The following CSMD1 variants were observed in gnomAD, a reference collection of about 807,000 sequenced individuals.
CSMD1 encodes the protein CUB and sushi domain-containing protein 1.
Under a neutral mutation model 417.5 loss-of-function variants are expected in CSMD1, and 213 were observed. That is an observed-to-expected ratio of 0.51 (90% confidence interval 0.46 to 0.57). CSMD1 has a LOEUF of 0.57. Among genes scored for constraint, CSMD1 ranks in the 20% least tolerant of loss-of-function variants. The probability of loss-of-function intolerance (pLI) is 0.00; values close to 1 mark genes in which losing one functional copy is unlikely to be tolerated. For missense variants in CSMD1, 6,923 were observed against 4,529.7 expected (o/e 1.53, Z -15.17); for synonymous variants, 2,862 against 1,736.8 (o/e 1.65, Z -16.11).
At chr8:3,023,538 G>A (rs1353507632) in intron 51 of CSMD1, among the ~76,000 whole-genome samples, 1 of 152,092 alleles carries the variant, frequency 6.6e-6, no homozygotes, top group African/African-American at 2.4e-5. Flanking sequence ...GGACTGCAGA[G>A]CTCACTGTTT....
At chr8:4,638,188 C>T (rs866955675) in intron 1 of CSMD1, among the ~76,000 whole-genome samples, 1 of 152,118 alleles carries the variant, frequency 6.6e-6, no homozygotes, top group African/African-American at 2.4e-5. Flanking sequence ...AAATTTGGTG[C>T]TATCTACATA....
At chr8:4,550,776 A>G (rs1392236585) in intron 2 of CSMD1, among the ~76,000 whole-genome samples, 6 of 152,192 alleles carry the variant, frequency 3.9e-5, no homozygotes, top group Non-Finnish European at 8.8e-5. Flanking sequence ...GAGGCAGTTT[A>G]ATCATCTTTA....
intron 2 of CSMD1, among the ~76,000 whole-genome samples, chr8:4,460,233 T>C (rs1192001945): frequency 6.6e-6 from 1 of 152,052 alleles, no homozygotes; most frequent in Non-Finnish European, 1.5e-5. Context: ...AAAAAATTTC[T>C]AAAAACCCAA....
chr8:3,309,576 C>G (rs574642057), intron 23 of CSMD1, among the ~76,000 whole-genome samples: 61 of 142,516 alleles, frequency 4.3e-4, no homozygotes, highest in African/African-American at 1.4e-3. Context: ...GACAGTCTTA[C>G]AGTAACATAT....
chr8:4,528,370 C>G (rs1796626557), intron 2 of CSMD1, among the ~76,000 whole-genome samples: 1 of 152,044 alleles, frequency 6.6e-6, no homozygotes, highest in Admixed American at 6.6e-5. Flanking sequence ...AAAGACATTC[C>G]AAGACTCTCA....
chr8:3,448,326 AGC>A (rs1815441174), intron 12 of CSMD1, among the ~76,000 whole-genome samples: 1 of 9,576 alleles, frequency 1.0e-4, no homozygotes. Flanking sequence ...GAAGGAAGGG[AGC>A]AAGGGAGGGA....
intron 23 of CSMD1, among the ~76,000 whole-genome samples, chr8:3,316,882 A>G (rs751513554): frequency 6.6e-6 from 1 of 152,184 alleles, no homozygotes; most frequent in Non-Finnish European, 1.5e-5. Context: ...AATGTGCAAT[A>G]TGGACATGGG....
chr8:3,391,202 A>G (rs545448687), intron 17 of CSMD1, among the ~76,000 whole-genome samples: 1 of 152,306 alleles, frequency 6.6e-6, no homozygotes, highest in Admixed American at 6.5e-5. Context: ...GCACGCACAT[A>G]TAAACCACTA....
chr8:3,319,742 A>G (rs1458285915), intron 23 of CSMD1, among the ~76,000 whole-genome samples: 1 of 152,170 alleles, frequency 6.6e-6, no homozygotes, highest in Non-Finnish European at 1.5e-5. Context: ...AAGTGTCAGA[A>G]GAACATTAGG....
chr8:4,094,633 G>A (rs1029658161), intron 3 of CSMD1, among the ~76,000 whole-genome samples: 1 of 152,096 alleles, frequency 6.6e-6, no homozygotes, highest in Non-Finnish European at 1.5e-5. Context: ...TCACACATGT[G>A]GGGACACACA....
chr8:3,089,049 C>G (rs1466367044), intron 48 of CSMD1, among the ~76,000 whole-genome samples: 1 of 152,098 alleles, frequency 6.6e-6, no homozygotes, highest in Non-Finnish European at 1.5e-5. Flanking sequence ...TTTCCTAACT[C>G]ACTTAGGATA....
chr8:3,932,084 T>C (rs1810190623), intron 5 of CSMD1, among the ~76,000 whole-genome samples: 1 of 150,464 alleles, frequency 6.6e-6, no homozygotes, highest in Non-Finnish European at 1.5e-5. Flanking sequence ...TCTATTGGAA[T>C]GACACACATC....
intron 1 of CSMD1, among the ~76,000 whole-genome samples, chr8:4,811,931 T>C (rs1304409157): frequency 6.6e-6 from 1 of 152,160 alleles, no homozygotes; most frequent in Non-Finnish European, 1.5e-5. Flanking sequence ...AATTTTCTGA[T>C]AGGCGCATTA....
chr8:3,885,578 G>T (rs1236522626), intron 5 of CSMD1, among the ~76,000 whole-genome samples: 1 of 152,176 alleles, frequency 6.6e-6, no homozygotes, highest in Non-Finnish European at 1.5e-5. Context: ...AAATTAGGCA[G>T]TCATCATCCA....
At chr8:3,891,694 A>AT (rs1167692772) in intron 5 of CSMD1, among the ~76,000 whole-genome samples, 1 of 151,640 alleles carries the variant, frequency 6.6e-6, no homozygotes, top group Non-Finnish European at 1.5e-5. Context: ...AAACGAAAAA[A>AT]AAAGGATTAA....
chr8:4,119,517 G>C (rs1410857011), intron 3 of CSMD1, among the ~76,000 whole-genome samples: 1 of 152,158 alleles, frequency 6.6e-6, no homozygotes, highest in African/African-American at 2.4e-5. Context: ...ATTTGTAGGT[G>C]GGGTGCTTGG....
chr8:3,087,204 T>C lies in CSMD1; in HGVS notation c.7367A>G (p.His2456Arg), dbSNP rs772042930. The C allele has an allele frequency of 8.1e-6, 13 of 1,613,880 alleles. No homozygotes were observed. The highest frequency in any genetic ancestry group is 2.2e-5 in the South Asian group (2 of 91,086). The change falls in exon 49 of 70, where the codon CAT becomes CGT. Residue 2456 changes from histidine (H) to arginine (R), a missense_variant. Physicochemically the swap from His to Arg is conservative, Grantham distance 29. Transcript: ENST00000635120. ...RTAGAVGSKV[H>R]YFCKPGYRMV... ...TCGGTATCCAGGCTTGCAAAAATAA[T>C]GCACTTTGCTTCCAACCGCTCCTGC...
chr8:3,990,391 A>T (rs1814654117), intron 5 of CSMD1, among the ~76,000 whole-genome samples: 1 of 152,178 alleles, frequency 6.6e-6, no homozygotes, highest in Non-Finnish European at 1.5e-5. Flanking sequence ...TAAGAATGGT[A>T]AGGATGGAGA....
intron 3 of CSMD1, among the ~76,000 whole-genome samples, chr8:4,134,692 T>G (rs1284262037): frequency 6.6e-6 from 1 of 152,154 alleles, no homozygotes; most frequent in African/African-American, 2.4e-5. Flanking sequence ...CGCCTTTGAT[T>G]TCTGTGAACC....
Sources: allele counts gnomAD v4.1 joint callset (sites outside exome capture counted in the v4.1 genomes callset), GRCh38; gene constraint gnomAD v4.1.1; transcripts MANE v1.5; gene names NCBI Gene and HGNC (gene_info 2026-07-23, HGNC 2026-07-21).